PTK2B: variants seen among roughly 807,000 people sequenced by gnomAD.
The protein encoded by PTK2B is protein-tyrosine kinase 2-beta.
A neutral mutation model predicts 142.9 loss-of-function variants in PTK2B; 71 were observed. That is an observed-to-expected ratio of 0.50 (90% CI 0.41 to 0.61). The LOEUF (loss-of-function observed/expected upper bound fraction) is 0.61. Ranked by LOEUF, PTK2B falls within the 20% of genes least tolerant of loss-of-function variation. The pLI, the probability that PTK2B is intolerant of heterozygous loss-of-function variation, is 0.00. For synonymous variants in PTK2B, 519 were observed against 503.4 expected, an observed-to-expected ratio of 1.03 and a Z score of -0.42; for missense variants, 1,105 against 1,320.4, an observed-to-expected ratio of 0.84 and a Z score of 2.53.
At chr8:27,415,201 G>A (rs1216208717) in intron 2 of PTK2B, among the ~76,000 whole-genome samples, 1 of 152,120 alleles carries the variant, frequency 6.6e-6, no homozygotes, top group East Asian at 1.9e-4. Context: ...TATTCTAGAT[G>A]AGAAAACCAA....
chr8:27,342,338 G>C (rs1804454001), intron 1 of PTK2B, among the ~76,000 whole-genome samples: 1 of 151,048 alleles, frequency 6.6e-6, no homozygotes. Context: ...CCATGCCAGA[G>C]TGCAGCAGTG....
intron 1 of PTK2B, among the ~76,000 whole-genome samples, chr8:27,396,493 G>A (rs541132167): frequency 6.6e-5 from 10 of 152,320 alleles, no homozygotes; most frequent in East Asian, 1.9e-4. Flanking sequence ...CAGGCCAAAC[G>A]TTAGAAAAGT....
intron 1 of PTK2B, among the ~76,000 whole-genome samples, chr8:27,332,997 A>G (rs1803850324): frequency 6.6e-6 from 1 of 152,390 alleles, no homozygotes; most frequent in South Asian, 2.1e-4. Flanking sequence ...AAGGTAAATA[A>G]TGTGCCATAA....
At chr8:27,332,165 C>T (rs927954889) in intron 1 of PTK2B, among the ~76,000 whole-genome samples, 3 of 152,190 alleles carry the variant, frequency 2.0e-5, no homozygotes, top group East Asian at 1.9e-4. Flanking sequence ...TTTTTCAGCC[C>T]GGGCAAGAGG....
intron 24 of PTK2B, among the ~76,000 whole-genome samples, chr8:27,447,980 C>T (rs763880960): frequency 2.6e-5 from 4 of 152,252 alleles, no homozygotes; most frequent in Non-Finnish European, 5.9e-5. Context: ...CGCTTACAGT[C>T]GACCAGAAGG....
At chr8:27,342,194 C>G (rs1015660604) in intron 1 of PTK2B, among the ~76,000 whole-genome samples, 1 of 152,188 alleles carries the variant, frequency 6.6e-6, no homozygotes, top group African/African-American at 2.4e-5. Flanking sequence ...GAACCCCCTA[C>G]TCCACGGGTG....
intron 4 of PTK2B, among the ~76,000 whole-genome samples, chr8:27,421,883 A>T (rs1541845): frequency 2.6e-5 from 4 of 152,156 alleles, no homozygotes; most frequent in Admixed American, 1.3e-4. Flanking sequence ...TCTGTCTGAT[A>T]TTAGTTCCTT....
At chr8:27,362,771 C>G (rs142352892) in intron 1 of PTK2B, among the ~76,000 whole-genome samples, 1 of 152,212 alleles carries the variant, frequency 6.6e-6, no homozygotes, top group East Asian at 1.9e-4. Flanking sequence ...CGTTACCATG[C>G]AAAATCTAGA....
intron 1 of PTK2B, among the ~76,000 whole-genome samples, chr8:27,379,704 C>T (rs746316133): frequency 6.6e-6 from 1 of 152,158 alleles, no homozygotes; most frequent in East Asian, 1.9e-4. Flanking sequence ...AGTTAATTTA[C>T]GAGTGAGTCT....
At chr8:27,412,078 C>T (rs956079548) in intron 2 of PTK2B, among the ~76,000 whole-genome samples, 1 of 152,214 alleles carries the variant, frequency 6.6e-6, no homozygotes, top group African/African-American at 2.4e-5. Context: ...TCCAGACACA[C>T]CAACAAGATG....
chr8:27,434,399 T>G, intron 12 of PTK2B, 114 bp from the exon 13 acceptor site: 1 of 1,259,370 alleles, frequency 7.9e-7, no homozygotes, highest in Non-Finnish European at 1.1e-6. Flanking sequence ...TCATTGCTAA[T>G]TTGGACAGAC....
In PTK2B at chr8:27,313,943, A is replaced by C. The variant is rs562981286; in HGVS notation, c.-414+656A>C. Among the ~76,000 whole-genome samples, 22 of 152,246 alleles carry C rather than the reference A, an allele frequency of 1.4e-4. No homozygotes were observed. The South Asian group carries it at 4.6e-3, about 32-fold the overall frequency. The stretch of plus-strand genomic sequence containing the variant: ...CTCTGGCCCATCTGCCAAATTATCC[A>C]TTTTAGAAAGGCAGTGTGATAACTG... On this transcript the variant is annotated intron_variant, in intron 3 of 35. Coordinates refer to the PTK2B transcript ENST00000397501.
intron 1 of PTK2B, among the ~76,000 whole-genome samples, chr8:27,354,680 A>T (rs1805295561): frequency 6.6e-6 from 1 of 152,210 alleles, no homozygotes; most frequent in African/African-American, 2.4e-5. Context: ...AAGAACAGGT[A>T]GTGAGGGTGT....
At chr8:27,339,563 TGACATGGGCACAGA>T (rs1804270240) in intron 1 of PTK2B, among the ~76,000 whole-genome samples, 1 of 152,186 alleles carries the variant, frequency 6.6e-6, no homozygotes, top group African/African-American at 2.4e-5. Flanking sequence ...AGCTGTGGCC[TGACATGGGCACAGA>T]GACATGGGCG....
chr8:27,396,134 A>T (rs1402402601), intron 1 of PTK2B: 5 of 152,210 alleles, frequency 3.3e-5, no homozygotes, highest in African/African-American at 7.2e-5. Context: ...GACCTGAAGG[A>T]CATGCCCAGC....
chr8:27,350,990 A>AAAAAAAATAT (rs1554483396), intron 1 of PTK2B, among the ~76,000 whole-genome samples: 1 of 12,090 alleles, frequency 8.3e-5, no homozygotes, highest in Non-Finnish European at 1.6e-4. Flanking sequence ...AAAAAAAAAA[A>AAAAAAAATAT]ATATATATAT....
chr8:27,359,880 G>A (rs1457677965), intron 1 of PTK2B, among the ~76,000 whole-genome samples: 2 of 152,084 alleles, frequency 1.3e-5, no homozygotes, highest in South Asian at 4.1e-4. Context: ...CCTCACAAGG[G>A]TCTGGAGCCT....
chr8:27,431,320 T>G, intron 8 of PTK2B, 78 bp from the exon 9 acceptor site: 1 of 1,604,550 alleles, frequency 6.2e-7, no homozygotes, highest in East Asian at 2.2e-5. Flanking sequence ...TGTGTCTAGC[T>G]TAGGGAGCTT....
At chr8:27,394,596 A>AAG (rs879708683) in intron 1 of PTK2B, among the ~76,000 whole-genome samples, 1,918 of 152,354 alleles carry the variant, frequency 0.013, 23 homozygotes, top group Non-Finnish European at 0.017. Context: ...TGTAGACTTT[A>AAG]TAAACACGGT....
Sources: gnomAD v4.1 joint callset for allele counts (sites outside exome capture counted in the v4.1 genomes callset) on GRCh38, gnomAD v4.1.1 for gene constraint, MANE v1.5 for transcripts, NCBI Gene and HGNC (gene_info 2026-07-23, HGNC 2026-07-21) for gene names.